Variants in SAR1B observed in about 807,000 individuals in gnomAD.
The protein encoded by SAR1B is small COPII coat GTPase SAR1B.
SAR1B carries 23 observed loss-of-function variants against 26.8 expected under a neutral mutation model. That is an observed-to-expected ratio of 0.86 (90% confidence interval 0.62 to 1.22). The LOEUF (loss-of-function observed/expected upper bound fraction) is 1.22. Ranked by LOEUF, SAR1B falls within the 50% of genes most tolerant of loss-of-function variation. The pLI is 0.00. For missense variants in SAR1B, 196 were observed against 232.8 expected, an observed-to-expected ratio of 0.84 and a Z score of 1.03; for synonymous variants, 65 against 80.8, an observed-to-expected ratio of 0.80 and a Z score of 1.05.
In SAR1B at chr5:134,606,809, TAA is replaced by T. The variant is rs1765134947; in HGVS notation, c.*139_*140del. On this transcript the variant is annotated 3_prime_UTR_variant, in exon 7 of 7. Transcript: ENST00000402673. ...ATCAGTTTTCAATTCTCATTCAAATTAAGTTGATTTAATATTAATAATCTAAA... is the reference window on the plus strand; with the variant it reads ...ATCAGTTTTCAATTCTCATTCAAATTGTTGATTTAATATTAATAATCTAAA... 4.3e-6 allele frequency: 3 copies of T among 702,664 alleles called. No homozygotes were observed. The highest frequency in any genetic ancestry group is 4.0e-5 in the Admixed American group (2 of 50,310). 43.5% of individuals were successfully genotyped at this position (702,664 alleles called of 1,614,324 possible). A position where few individuals can be genotyped will look rare whatever the true frequency, so the allele number is the denominator to read the frequency against.
chr5:134,630,888 T>TC (rs1765590674), intron 1 of SAR1B, among the ~76,000 whole-genome samples: 1 of 146,034 alleles, frequency 6.8e-6, no homozygotes, highest in African/African-American at 2.5e-5. Flanking sequence ...TCTTTTTTTT[T>TC]CTTTTTTTTT....
At chr5:134,620,499 A>C (rs1765387338) in intron 3 of SAR1B, among the ~76,000 whole-genome samples, 1 of 152,134 alleles carries the variant, frequency 6.6e-6, no homozygotes, top group Non-Finnish European at 1.5e-5. Context: ...GAGGTCACCT[A>C]TAATTTATTA....
At chr5:134,611,748 T>G (rs372917683) in intron 4 of SAR1B, among the ~76,000 whole-genome samples, 35 of 152,150 alleles carry the variant, frequency 2.3e-4, no homozygotes, top group South Asian at 2.3e-3. Flanking sequence ...GGGCATACGC[T>G]GGGGCCTAAA....
chr5:134,615,526 A>C (rs1301087763), intron 3 of SAR1B, among the ~76,000 whole-genome samples: 5 of 149,964 alleles, frequency 3.3e-5, no homozygotes, highest in African/African-American at 1.2e-4. Context: ...AAATAAGAAG[A>C]AATTCTGGGC....
At chr5:134,628,654 A>G (rs747828411) in intron 1 of SAR1B, among the ~76,000 whole-genome samples, 7 of 151,926 alleles carry the variant, frequency 4.6e-5, no homozygotes, top group Non-Finnish European at 1.0e-4. Context: ...CATCTCTAAA[A>G]AAAAAATTTT....
intron 3 of SAR1B, among the ~76,000 whole-genome samples, chr5:134,619,985 C>T (rs1003049986): frequency 2.0e-5 from 3 of 152,022 alleles, no homozygotes; most frequent in African/African-American, 7.2e-5. Context: ...TGTCTCTACA[C>T]AAATAAAATA....
intron 1 of SAR1B, among the ~76,000 whole-genome samples, chr5:134,624,752 C>T (rs1402175983): frequency 1.3e-5 from 2 of 151,268 alleles, no homozygotes; most frequent in African/African-American, 4.9e-5. Flanking sequence ...CTCAGCCTCT[C>T]GAGTAGCTGG....
chr5:134,609,182 G>A (rs1367819685), intron 5 of SAR1B: 1 of 443,178 alleles, frequency 2.3e-6, no homozygotes, highest in African/African-American at 2.0e-5. Flanking sequence ...CTCACTCCTG[G>A]GAGTAGTGTC....
At chr5:134,629,612 G>A (rs555240187) in intron 1 of SAR1B, among the ~76,000 whole-genome samples, 28 of 151,872 alleles carry the variant, frequency 1.8e-4, no homozygotes, top group Non-Finnish European at 3.2e-4. Context: ...CAGGAGAATC[G>A]CTTGAACCTG....
At chr5:134,628,950 G>A (rs1032709735) in intron 1 of SAR1B, among the ~76,000 whole-genome samples, 6 of 151,704 alleles carry the variant, frequency 4.0e-5, no homozygotes, top group South Asian at 2.1e-4. Flanking sequence ...CACCATGCCC[G>A]GTACAAAAAA....
chr5:134,617,210 C>CT, intron 3 of SAR1B, among the ~76,000 whole-genome samples: 1 of 151,926 alleles, frequency 6.6e-6, no homozygotes, highest in South Asian at 2.1e-4. Flanking sequence ...CCAGCCTGGG[C>CT]CACAGAGTGA....
At chr5:134,628,153 A>G (rs1561790322) in intron 1 of SAR1B, among the ~76,000 whole-genome samples, 1 of 152,048 alleles carries the variant, frequency 6.6e-6, no homozygotes, top group Admixed American at 6.6e-5. Flanking sequence ...CAAAAAAAAA[A>G]GAAAAAAAAT....
At chr5:134,626,674 T>C (rs889415477) in intron 1 of SAR1B, among the ~76,000 whole-genome samples, 2 of 152,206 alleles carry the variant, frequency 1.3e-5, no homozygotes, top group Admixed American at 6.6e-5. Flanking sequence ...AATCTCAGAT[T>C]ACAAGTAACT....
At chr5:134,612,841 G>C (rs964746075) in intron 3 of SAR1B, 85 bp from the exon 4 acceptor site, 29 of 1,228,680 alleles carry the variant, frequency 2.4e-5, no homozygotes, top group Non-Finnish European at 3.4e-5. Flanking sequence ...CCTTTTCAAA[G>C]ACTTTCCTCC....
chr5:134,619,523 C>T (rs1765369663), intron 3 of SAR1B, among the ~76,000 whole-genome samples: 1 of 151,292 alleles, frequency 6.6e-6, no homozygotes, highest in African/African-American at 2.4e-5. Context: ...CCATGCCAGA[C>T]TAATTTTTTG....
chr5:134,627,005 T>C (rs1316084053), intron 1 of SAR1B, among the ~76,000 whole-genome samples: 1 of 152,210 alleles, frequency 6.6e-6, no homozygotes, highest in Non-Finnish European at 1.5e-5. Flanking sequence ...AAAAAGCTTA[T>C]ATGGCATTTA....
At chr5:134,629,709 A>T (rs1478495915) in intron 1 of SAR1B, among the ~76,000 whole-genome samples, 1 of 151,112 alleles carries the variant, frequency 6.6e-6, no homozygotes, top group Non-Finnish European at 1.5e-5. Flanking sequence ...AAAAACAAAC[A>T]AACAAACAAA....
intron 3 of SAR1B, among the ~76,000 whole-genome samples, chr5:134,619,023 G>T (rs986557321): frequency 6.8e-6 from 1 of 147,394 alleles, no homozygotes; most frequent in African/African-American, 2.5e-5. Flanking sequence ...AAAAATTAGA[G>T]TCATTATTAA....
chr5:134,609,775 G>T, intron 4 of SAR1B, 101 bp from the exon 5 acceptor site: 1 of 841,054 alleles, frequency 1.2e-6, no homozygotes, highest in Non-Finnish European at 2.0e-6. Context: ...TAATCCCTTA[G>T]CTGCTGGTAC....
Sources: gnomAD v4.1 joint callset for allele counts (sites outside exome capture counted in the v4.1 genomes callset) on GRCh38, gnomAD v4.1.1 for gene constraint, MANE v1.5 for transcripts, NCBI Gene and HGNC (gene_info 2026-07-23, HGNC 2026-07-21) for gene names.